Variants in TLE1 observed in about 807,000 individuals in gnomAD.
TLE1 encodes the protein TLE family member 1, transcriptional corepressor.
Under a neutral mutation model 89.8 loss-of-function variants are expected in TLE1, and 21 were observed. The ratio of observed to expected loss-of-function variants is 0.23; its 90% CI spans 0.17 to 0.34. The LOEUF (loss-of-function observed/expected upper bound fraction) is 0.34, where lower values mean the gene tolerates loss of function less well. Ranked by LOEUF, TLE1 falls within the 10% of genes least tolerant of loss-of-function variation. The probability of loss-of-function intolerance (pLI) is 1.00; values close to 1 mark genes in which losing one functional copy is unlikely to be tolerated. For synonymous variants in TLE1, 447 were observed against 407.6 expected, an observed-to-expected ratio of 1.10 and a Z score of -1.16; for missense variants, 795 against 1,031.2, an observed-to-expected ratio of 0.77 and a Z score of 3.14.
intron 14 of TLE1, among the ~76,000 whole-genome samples, chr9:81,607,337 T>TAC (rs3063325): frequency 0.47 from 70,730 of 150,226 alleles, 16,770 homozygotes; most frequent in East Asian, 0.66. Context: ...ACCCTGTTAA[T>TAC]ACACACACAC....
At chr9:81,682,949 G>A (rs2133136624) in intron 4 of TLE1, among the ~76,000 whole-genome samples, 1 of 152,290 alleles carries the variant, frequency 6.6e-6, no homozygotes, top group South Asian at 2.1e-4. Context: ...AGAAAGTAAA[G>A]GCAAGGCTTA....
At chr9:81,624,239 A>G (rs1825647314) in intron 8 of TLE1, among the ~76,000 whole-genome samples, 1 of 152,178 alleles carries the variant, frequency 6.6e-6, no homozygotes, top group African/African-American at 2.4e-5. Context: ...TCCATACCAA[A>G]AATAGAAACG....
intron 14 of TLE1, among the ~76,000 whole-genome samples, chr9:81,609,321 G>T (rs375002324): frequency 1.2e-4 from 19 of 152,162 alleles, no homozygotes; most frequent in African/African-American, 4.3e-4. Flanking sequence ...CCGACCTCAG[G>T]TGATCCACCC....
At chr9:81,677,564 C>CA (rs60091510) in intron 4 of TLE1, among the ~76,000 whole-genome samples, 45,131 of 85,200 alleles carry the variant, frequency 0.53, 10,919 homozygotes, top group East Asian at 0.69. Flanking sequence ...GACTCCATCT[C>CA]AAAAAAAAAA....
At chr9:81,625,156 T>C (rs1036412967) in intron 8 of TLE1, among the ~76,000 whole-genome samples, 4 of 152,116 alleles carry the variant, frequency 2.6e-5, no homozygotes, top group African/African-American at 9.7e-5. Context: ...ATATACTCCA[T>C]AAGAAGGGAC....
intron 4 of TLE1, among the ~76,000 whole-genome samples, chr9:81,664,442 T>TTGC (rs1831203400): frequency 6.6e-6 from 1 of 152,238 alleles, no homozygotes; most frequent in Non-Finnish European, 1.5e-5. Context: ...TCACAGTGCC[T>TTGC]TGCTCACCAA....
rs114915120 is a variant in TLE1 at position 81,620,875 on chromosome 9, C to T, written c.595-318G>A. On this transcript the variant is annotated intron_variant, in intron 8 of 19. Coordinates refer to ENST00000376499, the MANE Select transcript of TLE1 (RefSeq NM_005077.5). ...GTATGTGGATGTGTTTTTATTCTTT[C>T]CCACTGCGACTTCCTGGTCAGGAAT... The T allele has an allele frequency of 5.0e-3, 3,414 of 680,234 alleles. 85 individuals are homozygous for T. In the African/African-American group the frequency reaches 0.052, roughly 10 times the overall value. The allele number at this position is 680,234 out of a possible 1,614,324, so 42.1% of individuals were successfully genotyped here. A position where few individuals can be genotyped will look rare whatever the true frequency, so the allele number is the denominator to read the frequency against.
At chr9:81,660,979 A>ACACACACACAG (rs997585124) in intron 4 of TLE1, among the ~76,000 whole-genome samples, 1 of 59,478 alleles carries the variant, frequency 1.7e-5, no homozygotes, top group Non-Finnish European at 4.3e-5. Flanking sequence ...ACACACACAC[A>ACACACACACAG]TTTAGCCTGG....
chr9:81,622,776 A>AC (rs1563984326), intron 8 of TLE1, among the ~76,000 whole-genome samples: 1 of 152,174 alleles, frequency 6.6e-6, no homozygotes, highest in Non-Finnish European at 1.5e-5. Flanking sequence ...AAGTTACAAA[A>AC]CAAGATGCCT....
chr9:81,656,534 C>T (rs138371546), intron 4 of TLE1, among the ~76,000 whole-genome samples: 2 of 152,336 alleles, frequency 1.3e-5, no homozygotes, highest in African/African-American at 4.8e-5. Context: ...CTGAGCCCAT[C>T]ATCCAAGGAT....
At chr9:81,604,284 G>T (rs1386005884) in intron 14 of TLE1, among the ~76,000 whole-genome samples, 1 of 152,164 alleles carries the variant, frequency 6.6e-6, no homozygotes, top group Non-Finnish European at 1.5e-5. Context: ...AATAAAATCT[G>T]TGAAAGTGTG....
intron 13 of TLE1, among the ~76,000 whole-genome samples, chr9:81,611,127 C>A (rs1823653423): frequency 6.6e-6 from 1 of 152,186 alleles, no homozygotes; most frequent in Non-Finnish European, 1.5e-5. Flanking sequence ...TCAACGATCA[C>A]AGAGCCAATT....
At chr9:81,650,038 C>T (rs1246684062) in intron 6 of TLE1, among the ~76,000 whole-genome samples, 1 of 152,124 alleles carries the variant, frequency 6.6e-6, no homozygotes, top group Non-Finnish European at 1.5e-5. Flanking sequence ...ACACAATGGG[C>T]CTAAGTCTCG....
At chr9:81,601,604 A>G (rs112133989) in intron 14 of TLE1, among the ~76,000 whole-genome samples, 2 of 151,832 alleles carry the variant, frequency 1.3e-5, no homozygotes, top group Non-Finnish European at 2.9e-5. Flanking sequence ...AGTGCCAGAA[A>G]AAAAAAAAAA....
chr9:81,604,961 T>C (rs1831437228), intron 14 of TLE1, among the ~76,000 whole-genome samples: 1 of 152,092 alleles, frequency 6.6e-6, no homozygotes, highest in African/African-American at 2.4e-5. Context: ...ATATCACAAG[T>C]CAAACCAGGA....
intron 14 of TLE1, among the ~76,000 whole-genome samples, chr9:81,607,767 C>T (rs139237489): frequency 1.8e-3 from 279 of 152,220 alleles, no homozygotes; most frequent in South Asian, 0.015. Context: ...CAAGAAAACA[C>T]ACCAGGTAGT....
In TLE1 at chr9:81,652,249, G is replaced by C; in HGVS notation, c.337C>G (p.Gln113Glu). 1 of 1,614,056 alleles carries C rather than the reference G, an allele frequency of 6.2e-7. No homozygotes were observed. Among genetic ancestry groups the C allele is most frequent in the South Asian group, 1.1e-5 (1 of 91,076 alleles). Reference sequence around the variant, plus strand: ...GCATTCAATTCTGCCATGGTCACCTGTTTGGCACGTTCAACAGCCTGGGCC... The same window carrying C: ...GCATTCAATTCTGCCATGGTCACCTCTTTGGCACGTTCAACAGCCTGGGCC... ...QVAQAVERAK[Q>E]VTMAELNAII... The change falls in exon 6 of 20, where the codon CAG becomes GAG. Residue 113 changes from glutamine (Q) to glutamate (E), a missense_variant. Physicochemically the swap from Gln to Glu is conservative, Grantham distance 29 (BLOSUM62 2). This residue lies in a region of TLE1 where 66 missense variants were observed against 118.7 expected (regional missense o/e 0.56). Transcript: ENST00000376499.
rs371936084 is a variant in TLE1 at position 81,662,361 on chromosome 9, TTGTGTGTGTGTGTGTGTGTG to T, written c.235-8345_235-8326del. 1.0e-4 allele frequency among the ~76,000 whole-genome samples: 14 copies of T among 138,470 alleles called. 1 individual carries two copies. In the South Asian group the frequency reaches 2.1e-3, roughly 21 times the overall value. 90.8% of individuals were successfully genotyped at this position (138,470 alleles called of 152,430 possible). A position where few individuals can be genotyped will look rare whatever the true frequency, so the allele number is the denominator to read the frequency against. ...CGGTGTTAGTATTAGTGTGCCTGTTTTGTGTGTGTGTGTGTGTGTGTGTGTGTGTGTGTGTGTGTGTGTGT... is the reference window on the plus strand; with the variant it reads ...CGGTGTTAGTATTAGTGTGCCTGTTTTGTGTGTGTGTGTGTGTGTGTGTGT... On this transcript the variant is annotated intron_variant, in intron 4 of 19. Coordinates refer to ENST00000376499, the MANE Select transcript of TLE1 (RefSeq NM_005077.5).
Position 81,688,100 on chromosome 9 carries a change from A to T in TLE1, c.24+117T>A, listed in dbSNP as rs1834595669. ...GAGGGCCCCAGACCTCCCCAGCCTT[A>T]CACCGCTGAGGGCGAGAAGGTCCGC... On this transcript the variant is annotated intron_variant, in intron 1 of 19. Coordinates refer to ENST00000376499, the MANE Select transcript of TLE1 (RefSeq NM_005077.5). 32 of 1,363,260 alleles carry T rather than the reference A, an allele frequency of 2.3e-5. No individual in the cohort carries two copies. The South Asian group carries it at 3.8e-4, about 16-fold the overall frequency. The allele number at this position is 1,363,260 out of a possible 1,614,324, so 84.4% of individuals were successfully genotyped here.
Sources: allele counts gnomAD v4.1 joint callset (sites outside exome capture counted in the v4.1 genomes callset), GRCh38; gene constraint gnomAD v4.1.1; regional missense constraint gnomAD v4.1.1; transcripts MANE v1.5; gene names NCBI Gene and HGNC (gene_info 2026-07-23, HGNC 2026-07-21).